CSMD1: variants seen among roughly 807,000 people sequenced by gnomAD.
CSMD1 encodes CUB and sushi domain-containing protein 1.
CSMD1 carries 213 observed loss-of-function variants against 417.5 expected under a neutral mutation model. The observed-to-expected ratio is 0.51, with a 90% CI of 0.46 to 0.57. CSMD1 has a LOEUF of 0.57. Ranked by LOEUF, CSMD1 falls within the 20% of genes least tolerant of loss-of-function variation. The pLI is 0.00. For missense variants in CSMD1, 6,923 were observed against 4,529.7 expected (o/e 1.53, Z -15.17); for synonymous variants, 2,862 against 1,736.8 (o/e 1.65, Z -16.11).
intron 3 of CSMD1, among the ~76,000 whole-genome samples, chr8:4,386,645 T>C (rs1489222733): frequency 1.3e-5 from 2 of 152,214 alleles, no homozygotes; most frequent in Admixed American, 6.5e-5. Context: ...ATGGGAGTTA[T>C]CTCAGCCTTT....
intron 1 of CSMD1, among the ~76,000 whole-genome samples, chr8:4,660,685 G>A (rs1293381061): frequency 3.1e-5 from 2 of 65,222 alleles, no homozygotes; most frequent in Non-Finnish European, 5.7e-5. Flanking sequence ...GGAATGAAAA[G>A]ACAAGCTACA....
intron 3 of CSMD1, among the ~76,000 whole-genome samples, chr8:4,188,766 T>C (rs1341551419): frequency 6.6e-6 from 1 of 151,058 alleles, no homozygotes; most frequent in East Asian, 1.9e-4. Flanking sequence ...CACAGATTTT[T>C]AGTAGGAAAG....
intron 3 of CSMD1, among the ~76,000 whole-genome samples, chr8:4,346,832 G>C (rs1035046343): frequency 3.9e-5 from 6 of 152,202 alleles, no homozygotes; most frequent in Admixed American, 3.9e-4. Flanking sequence ...CAAGGGGATT[G>C]AGACTGAGGG....
intron 3 of CSMD1, among the ~76,000 whole-genome samples, chr8:4,103,835 C>G (rs775863137): frequency 6.6e-6 from 1 of 152,180 alleles, no homozygotes; most frequent in Non-Finnish European, 1.5e-5. Context: ...TCATAAAATG[C>G]TCTAACTCCC....
intron 1 of CSMD1, among the ~76,000 whole-genome samples, chr8:4,825,855 G>C (rs934532303): frequency 4.6e-5 from 7 of 151,022 alleles, no homozygotes; most frequent in African/African-American, 1.2e-4. Context: ...CTTCTCTGAA[G>C]AGATACAATT....
intron 5 of CSMD1, among the ~76,000 whole-genome samples, chr8:3,933,561 C>G (rs943112854): frequency 3.3e-5 from 5 of 152,114 alleles, no homozygotes; most frequent in Admixed American, 6.6e-5. Context: ...CCTGGCAAAA[C>G]AGGATACATT....
chr8:4,592,378 T>G (rs907319105), intron 2 of CSMD1, among the ~76,000 whole-genome samples: 13 of 151,960 alleles, frequency 8.6e-5, no homozygotes, highest in African/African-American at 2.9e-4. Flanking sequence ...CCGTATTCAT[T>G]TTCCTTGTTA....
At position 3,734,045 on chromosome 8, in the gene CSMD1, T is replaced by C. The variant is rs572482202; in HGVS notation, c.931+19885A>G. Reference sequence around the variant, plus strand: ...GGCAGTGAATAAACTCAGGAAGAAATGCAAGCTGTTTAAAAATACAAAGAA... The same window carrying C: ...GGCAGTGAATAAACTCAGGAAGAAACGCAAGCTGTTTAAAAATACAAAGAA... On this transcript the variant is annotated intron_variant, in intron 6 of 69. Coordinates refer to ENST00000635120, the MANE Select transcript of CSMD1 (RefSeq NM_033225.6). 4.1e-4 allele frequency among the ~76,000 whole-genome samples: 56 copies of C among 137,682 alleles called. No homozygotes were observed. The South Asian group carries it at 6.5e-3, about 16-fold the overall frequency. 90.3% of individuals were successfully genotyped at this position (137,682 alleles called of 152,430 possible).
At chr8:3,278,106 C>A (rs985271901) in intron 26 of CSMD1, among the ~76,000 whole-genome samples, 19 of 151,936 alleles carry the variant, frequency 1.3e-4, no homozygotes, top group Admixed American at 1.2e-3. Context: ...TATGAATCAG[C>A]CAAAGAGCCA....
At chr8:3,720,986 A>ATT (rs112727270) in intron 6 of CSMD1, among the ~76,000 whole-genome samples, 8,333 of 151,190 alleles carry the variant, frequency 0.055, 523 homozygotes, top group African/African-American at 0.15. Context: ...CGGCTAATTT[A>ATT]TTTTTTTTGT....
chr8:4,827,425 C>T (rs902167222), intron 1 of CSMD1, among the ~76,000 whole-genome samples: 2 of 152,042 alleles, frequency 1.3e-5, no homozygotes, highest in South Asian at 2.1e-4. Flanking sequence ...GAGAAAAGCT[C>T]GACAGAAACT....
intron 46 of CSMD1, among the ~76,000 whole-genome samples, chr8:3,098,021 C>T (rs1815450229): frequency 6.6e-6 from 1 of 152,174 alleles, no homozygotes; most frequent in South Asian, 2.1e-4. Context: ...AAACAATCTG[C>T]AGAGATCTGG....
intron 1 of CSMD1, among the ~76,000 whole-genome samples, chr8:4,902,048 A>C (rs1177895918): frequency 6.6e-6 from 1 of 152,212 alleles, no homozygotes; most frequent in African/African-American, 2.4e-5. Context: ...GGCTTTGGCT[A>C]TATGGACTTA....
At chr8:3,399,731 C>G (rs1253381040) in intron 15 of CSMD1, among the ~76,000 whole-genome samples, 2 of 152,198 alleles carry the variant, frequency 1.3e-5, no homozygotes, top group Admixed American at 6.5e-5. Context: ...TTACCATTAC[C>G]TTGAAGCAAA....
At chr8:3,159,884 T>C (rs1470080594) in intron 38 of CSMD1, among the ~76,000 whole-genome samples, 1 of 152,166 alleles carries the variant, frequency 6.6e-6, no homozygotes, top group Non-Finnish European at 1.5e-5. Flanking sequence ...ATAATATCAT[T>C]TATAAAAGAA....
intron 15 of CSMD1, among the ~76,000 whole-genome samples, chr8:3,405,072 T>C (rs1238062430): frequency 6.6e-6 from 1 of 152,180 alleles, no homozygotes; most frequent in African/African-American, 2.4e-5. Context: ...CATGATTTTA[T>C]ATAATCAATA....
At chr8:3,503,174 AG>A (rs1265691660) in intron 10 of CSMD1, among the ~76,000 whole-genome samples, 3 of 152,220 alleles carry the variant, frequency 2.0e-5, no homozygotes, top group Non-Finnish European at 4.4e-5. Context: ...CCTAGAAAAA[AG>A]TACTTTGAAC....
intron 2 of CSMD1, among the ~76,000 whole-genome samples, chr8:4,467,940 C>G (rs1000349974): frequency 6.6e-6 from 1 of 152,086 alleles, no homozygotes; most frequent in Admixed American, 6.6e-5. Context: ...CATTCCTGAA[C>G]TAACAAAGTA....
intron 2 of CSMD1, among the ~76,000 whole-genome samples, chr8:4,469,395 G>A (rs552175924): frequency 6.6e-6 from 1 of 152,158 alleles, no homozygotes; most frequent in Non-Finnish European, 1.5e-5. Context: ...GCTGGTGTCA[G>A]CATTCTGCCG....
Sources: allele counts gnomAD v4.1 joint callset (sites outside exome capture counted in the v4.1 genomes callset), GRCh38; gene constraint gnomAD v4.1.1; transcripts MANE v1.5; gene names NCBI Gene and HGNC (gene_info 2026-07-23, HGNC 2026-07-21).